RANBP2: variants seen among roughly 807,000 people sequenced by gnomAD.
RANBP2 encodes RAN binding protein 2.
In RANBP2, 57 loss-of-function variants were observed where a neutral mutation model predicts 303.6. The ratio of observed to expected loss-of-function variants is 0.19; its 90% CI spans 0.15 to 0.23. The LOEUF (loss-of-function observed/expected upper bound fraction) is 0.23, where lower values mean the gene tolerates loss of function less well. Among genes scored for constraint, RANBP2 ranks in the 10% least tolerant of loss-of-function variants. The pLI is 1.00. For missense variants in RANBP2, 3,138 were observed against 3,780.8 expected, an observed-to-expected ratio of 0.83 and a Z score of 4.46; for synonymous variants, 1,167 against 1,301.5, an observed-to-expected ratio of 0.90 and a Z score of 2.23.
chr2:109,499,000 C>T, the RANBP2 span, among the ~76,000 whole-genome samples: 2 of 152,156 alleles, frequency 1.3e-5, no homozygotes, highest in Non-Finnish European at 2.9e-5. Context: ...AATGCTGGGG[C>T]GTTTAGACTG....
chr2:109,272,295 T>C, the RANBP2 span, among the ~76,000 whole-genome samples: 7 of 152,238 alleles, frequency 4.6e-5, no homozygotes, highest in Admixed American at 4.6e-4. Flanking sequence ...GTCTTGGAGC[T>C]GATGGCTACA....
chr2:108,781,358 G>A lies in RANBP2; in HGVS notation c.8689G>A (p.Glu2897Lys), dbSNP rs1370095393. ...GTCAGCCGGTAAAGTTGGTGAAGAT[G>A]AAGATGGTAGTGATGAAGAAGTAGT... ...TQSAGKVGEDEDGSDEEVVHN... is the reference protein window; with the variant it reads ...TQSAGKVGEDKDGSDEEVVHN... Residue 2897 changes from glutamate (E) to lysine (K), a missense_variant, in exon 26 of 29, where the codon GAA becomes AAA. This residue lies in a region of RANBP2 where 68 missense variants were observed against 117.4 expected (regional missense o/e 0.58). Transcript: ENST00000283195. The A allele has an allele frequency of 1.2e-6, 2 of 1,614,084 alleles. No individual in the cohort carries two copies. Among genetic ancestry groups the A allele is most frequent in the African/African-American group, 2.7e-5 (2 of 74,932 alleles).
the RANBP2 span, among the ~76,000 whole-genome samples, chr2:109,500,166 A>G: frequency 6.6e-6 from 1 of 152,154 alleles, no homozygotes; most frequent in Admixed American, 6.5e-5. Context: ...GACTGGGGTC[A>G]GCCTAGGGAT....
At chr2:108,912,705 G>C in the RANBP2 span, 1 of 1,600,862 alleles carries the variant, frequency 6.2e-7, no homozygotes. Context: ...AAGGGAGACA[G>C]GGTGCTGCTG....
the RANBP2 span, among the ~76,000 whole-genome samples, chr2:109,359,527 T>G: frequency 6.6e-6 from 1 of 152,232 alleles, no homozygotes; most frequent in Non-Finnish European, 1.5e-5. Context: ...TGTACCTAAG[T>G]ATTTCATGAT....
chr2:109,611,010 A>C, the RANBP2 span, among the ~76,000 whole-genome samples: 1 of 152,194 alleles, frequency 6.6e-6, no homozygotes, highest in Non-Finnish European at 1.5e-5. Flanking sequence ...CGGAGAACCC[A>C]GAAACAGACT....
the RANBP2 span, among the ~76,000 whole-genome samples, chr2:109,704,463 T>C: frequency 6.6e-6 from 1 of 151,502 alleles, no homozygotes; most frequent in Non-Finnish European, 1.5e-5. Context: ...AGGTGGGAGG[T>C]TGAGGCTGCA....
the RANBP2 span, among the ~76,000 whole-genome samples, chr2:109,039,736 A>G: frequency 6.6e-6 from 1 of 151,918 alleles, no homozygotes; most frequent in South Asian, 2.1e-4. Flanking sequence ...TTTAAAATTT[A>G]TCTTATTTAT....
At chr2:108,732,601 C>T (rs898044654) in intron 4 of RANBP2, among the ~76,000 whole-genome samples, 1 of 152,134 alleles carries the variant, frequency 6.6e-6, no homozygotes, top group African/African-American at 2.4e-5. Flanking sequence ...GTATAGTTTT[C>T]TTTCATTTTA....
the RANBP2 span, among the ~76,000 whole-genome samples, chr2:109,555,540 G>C: frequency 3.9e-5 from 6 of 152,284 alleles, no homozygotes; most frequent in South Asian, 1.2e-3. Context: ...TATTAGTAAA[G>C]AGCAAACTAT....
chr2:109,052,820 A>G, the RANBP2 span, among the ~76,000 whole-genome samples: 5 of 152,216 alleles, frequency 3.3e-5, no homozygotes, highest in Admixed American at 3.3e-4. Flanking sequence ...ATAATTAAAT[A>G]ACAACAGTGG....
At chr2:109,632,438 G>A in the RANBP2 span, among the ~76,000 whole-genome samples, 1 of 152,210 alleles carries the variant, frequency 6.6e-6, no homozygotes, top group African/African-American at 2.4e-5. Context: ...GCTCCAGGAA[G>A]TTAGTGTCGC....
the RANBP2 span, among the ~76,000 whole-genome samples, chr2:108,951,028 T>C: frequency 6.6e-6 from 1 of 152,242 alleles, no homozygotes; most frequent in East Asian, 1.9e-4. Flanking sequence ...TGCTTCTATA[T>C]TGAAGGGGCC....
At position 108,763,775 on chromosome 2, in the gene RANBP2, A is replaced by G. The variant is rs1244316928; in HGVS notation, c.3236A>G (p.Asp1079Gly). 6.2e-7 allele frequency: 1 copy of G among 1,614,100 alleles called. No homozygotes were observed. Among genetic ancestry groups the G allele is most frequent in the Non-Finnish European group, 8.5e-7 (1 of 1,179,956 alleles). The part of the protein sequence containing the change: ...LLTSDKPLQG[D>G]GYSGAKPIPG... Reference sequence around the variant, plus strand: ...ACTTCAGATAAACCCTTGCAAGGAGATGGCTATAGTGGAGCCAAACCAATT... The same window carrying G: ...ACTTCAGATAAACCCTTGCAAGGAGGTGGCTATAGTGGAGCCAAACCAATT... Residue 1079 changes from aspartate to glycine, a missense_variant, in exon 20 of 29, where the codon GAT becomes GGT. Asp to Gly is a moderately conservative substitution (Grantham distance 94, BLOSUM62 -1). Transcript: ENST00000283195.
the RANBP2 span, among the ~76,000 whole-genome samples, chr2:109,713,011 G>A: frequency 2.0e-5 from 3 of 151,998 alleles, no homozygotes; most frequent in African/African-American, 7.2e-5. Context: ...GACGGAATAT[G>A]AAAAAAATCC....
At chr2:108,846,921 G>GT in the RANBP2 span, 2 of 1,581,492 alleles carry the variant, frequency 1.3e-6, no homozygotes, top group Non-Finnish European at 8.7e-7. Context: ...TCTCAAAACA[G>GT]TCACTCAAGG....
At chr2:109,607,885 T>G in the RANBP2 span, among the ~76,000 whole-genome samples, 1 of 152,184 alleles carries the variant, frequency 6.6e-6, no homozygotes, top group Non-Finnish European at 1.5e-5. Context: ...GTATCTATAC[T>G]TTTATAAGAC....
At chr2:109,012,853 G>A in the RANBP2 span, among the ~76,000 whole-genome samples, 28,862 of 152,164 alleles carry the variant, frequency 0.19, 4,414 homozygotes, top group African/African-American at 0.42. Flanking sequence ...GGCGGAGCTT[G>A]CAGTGAGCAG....
chr2:109,295,148 C>T, the RANBP2 span, among the ~76,000 whole-genome samples: 9 of 152,244 alleles, frequency 5.9e-5, no homozygotes, highest in Admixed American at 1.3e-4. Context: ...ACGGAGCACC[C>T]ACGCCTGGCC....
Sources: allele counts gnomAD v4.1 joint callset (sites outside exome capture counted in the v4.1 genomes callset), GRCh38; gene constraint gnomAD v4.1.1; regional missense constraint gnomAD v4.1.1; transcripts MANE v1.5; gene names NCBI Gene and HGNC (gene_info 2026-07-23, HGNC 2026-07-21).